SORCS1: variants seen among roughly 807,000 people sequenced by gnomAD.
SORCS1 encodes the protein VPS10 domain-containing receptor SorCS1.
SORCS1 carries 60 observed loss-of-function variants against 146.1 expected under a neutral mutation model. That is an observed-to-expected ratio of 0.41 (90% CI 0.33 to 0.51). The LOEUF (loss-of-function observed/expected upper bound fraction) is 0.51. Among genes scored for constraint, SORCS1 ranks in the 20% least tolerant of loss-of-function variants. The pLI is 0.21. For synonymous variants in SORCS1, 637 were observed against 584.0 expected, an observed-to-expected ratio of 1.09 and a Z score of -1.31; for missense variants, 1,352 against 1,487.6, an observed-to-expected ratio of 0.91 and a Z score of 1.50.
intron 5 of SORCS1, among the ~76,000 whole-genome samples, chr10:106,742,400 G>C (rs1014891428): frequency 8.6e-5 from 13 of 151,424 alleles, no homozygotes; most frequent in Admixed American, 6.6e-4. Context: ...TTTTTTTTGA[G>C]ATGGAGTCTA....
intron 24 of SORCS1, among the ~76,000 whole-genome samples, chr10:106,592,776 T>TC (rs1379994214): frequency 6.6e-5 from 10 of 151,174 alleles, no homozygotes; most frequent in Admixed American, 2.6e-4. Flanking sequence ...CCACTGTTTC[T>TC]CTTTTTTTTT....
chr10:106,996,430 C>T (rs1489273837), intron 1 of SORCS1, among the ~76,000 whole-genome samples: 2 of 152,038 alleles, frequency 1.3e-5, no homozygotes, highest in Non-Finnish European at 2.9e-5. Flanking sequence ...CAGATAACTA[C>T]CAGAAGGGTA....
At chr10:106,988,456 G>C (rs568544882) in intron 1 of SORCS1, among the ~76,000 whole-genome samples, 1 of 152,138 alleles carries the variant, frequency 6.6e-6, no homozygotes, top group Non-Finnish European at 1.5e-5. Flanking sequence ...TCAGTTGGAC[G>C]TCTTAGCGTC....
chr10:106,984,917 G>C (rs115571426), intron 1 of SORCS1, among the ~76,000 whole-genome samples: 1 of 152,052 alleles, frequency 6.6e-6, no homozygotes, highest in African/African-American at 2.4e-5. Flanking sequence ...GCCGGGTGCC[G>C]TGGCTCATGC....
chr10:106,636,536 G>T (rs575094515), intron 18 of SORCS1, among the ~76,000 whole-genome samples: 38 of 152,152 alleles, frequency 2.5e-4, no homozygotes, highest in Non-Finnish European at 3.7e-4. Flanking sequence ...AATCATAGTG[G>T]AAGGGAAAGC....
At chr10:106,676,562 T>C (rs548612143) in intron 13 of SORCS1, among the ~76,000 whole-genome samples, 65 of 152,262 alleles carry the variant, frequency 4.3e-4, no homozygotes, top group African/African-American at 1.5e-3. Flanking sequence ...CTGGTGAGGG[T>C]GTGAGGGTGA....
chr10:106,906,532 A>G (rs537798731), intron 2 of SORCS1, among the ~76,000 whole-genome samples: 1 of 152,226 alleles, frequency 6.6e-6, no homozygotes, highest in African/African-American at 2.4e-5. Flanking sequence ...ATAAGGAAGA[A>G]GCAAAAGCAG....
intron 10 of SORCS1, among the ~76,000 whole-genome samples, chr10:106,683,388 G>A (rs1852589163): frequency 6.6e-6 from 1 of 152,130 alleles, no homozygotes; most frequent in Non-Finnish European, 1.5e-5. Flanking sequence ...CTGCTTCCAT[G>A]AGTTTGATTG....
chr10:107,171,579 C>G, the SORCS1 span, among the ~76,000 whole-genome samples: 3 of 126,906 alleles, frequency 2.4e-5, no homozygotes, highest in African/African-American at 9.0e-5. Context: ...TGCATTGGTG[C>G]TATCTTGGCT....
chr10:107,127,877 A>T (rs1966803006), intron 1 of SORCS1, among the ~76,000 whole-genome samples: 2 of 152,230 alleles, frequency 1.3e-5, no homozygotes, highest in Admixed American at 6.5e-5. Context: ...TTTAAAACTT[A>T]TCTCTTTCCT....
intron 3 of SORCS1, among the ~76,000 whole-genome samples, chr10:106,809,158 G>T (rs936727251): frequency 1.3e-5 from 2 of 151,324 alleles, no homozygotes. Context: ...TTTTGTTTTT[G>T]TTTTTGTGGT....
chr10:106,775,355 A>C (rs1860350838), intron 4 of SORCS1, among the ~76,000 whole-genome samples: 1 of 152,020 alleles, frequency 6.6e-6, no homozygotes. Flanking sequence ...AAGGGTAGCC[A>C]GGCTGCTCAA....
At chr10:106,878,246 TG>T in intron 2 of SORCS1, among the ~76,000 whole-genome samples, 1 of 151,252 alleles carries the variant, frequency 6.6e-6, no homozygotes, top group East Asian at 1.9e-4. Flanking sequence ...CACTGTCTTC[TG>T]GGGGACTCCT....
intron 6 of SORCS1, among the ~76,000 whole-genome samples, chr10:106,716,119 A>T (rs971595792): frequency 1.3e-5 from 2 of 152,296 alleles, no homozygotes; most frequent in East Asian, 1.9e-4. Context: ...TAAAAACACC[A>T]TGAAAAAATA....
At chr10:107,005,791 A>G (rs1957418809) in intron 1 of SORCS1, among the ~76,000 whole-genome samples, 1 of 152,220 alleles carries the variant, frequency 6.6e-6, no homozygotes, top group African/African-American at 2.4e-5. Flanking sequence ...ATTCTCACAT[A>G]TTTTGTGATA....
rs1844576967 is a variant in SORCS1 at position 106,576,339 on chromosome 10, A to C, written c.*1081T>G. 6.6e-6 allele frequency: 1 copy of C among 152,376 alleles called. No homozygotes were observed. The highest frequency in any genetic ancestry group is 2.4e-5 in the African/African-American group (1 of 41,476). 9.4% of individuals were successfully genotyped at this position (152,376 alleles called of 1,614,324 possible). ...AGGAAACGTCAGGGTTAATGTCCAGAATCTAGCAATATGTTTGGGAAGAAA... is the reference window on the plus strand; with the variant it reads ...AGGAAACGTCAGGGTTAATGTCCAGCATCTAGCAATATGTTTGGGAAGAAA... On this transcript the variant is annotated 3_prime_UTR_variant, in exon 26 of 26. Transcript: ENST00000263054.
chr10:106,687,237 C>A (rs1159947518), intron 10 of SORCS1, among the ~76,000 whole-genome samples: 1 of 152,158 alleles, frequency 6.6e-6, no homozygotes. Flanking sequence ...TTAATCTAGA[C>A]ACATTCAAGT....
At chr10:107,116,936 A>G (rs984082784) in intron 1 of SORCS1, among the ~76,000 whole-genome samples, 18 of 152,230 alleles carry the variant, frequency 1.2e-4, no homozygotes, top group African/African-American at 4.3e-4. Context: ...GTATTAATGA[A>G]TAATCATAGA....
rs17121943 is a variant in SORCS1, at chr10:107,042,316, T to C, written c.559-85736A>G. Among the ~76,000 whole-genome samples the C allele has an allele frequency of 5.4e-3, 824 of 152,328 alleles. 4 individuals carry two copies. Among genetic ancestry groups the C allele is most frequent in the African/African-American group, 0.019 (782 of 41,580 alleles). On this transcript the variant is annotated intron_variant, in intron 1 of 25. Transcript: ENST00000263054. ...ATAATAACAACGAATAGCTTTACAC[T>C]GGCAGGAAAGGGCCTGGCATTTACC...
Sources: allele counts gnomAD v4.1 joint callset (sites outside exome capture counted in the v4.1 genomes callset), GRCh38; gene constraint gnomAD v4.1.1; transcripts MANE v1.5; gene names NCBI Gene and HGNC (gene_info 2026-07-23, HGNC 2026-07-21).